The following SH3PXD2A variants were observed in gnomAD, a reference collection of about 807,000 sequenced individuals.
SH3PXD2A encodes the protein SH3 and PX domain-containing protein 2A.
A neutral mutation model predicts 115.2 loss-of-function variants in SH3PXD2A; 32 were observed. That is an observed-to-expected ratio of 0.28 (90% CI 0.21 to 0.37). The LOEUF (loss-of-function observed/expected upper bound fraction) is 0.37, where lower values mean the gene tolerates loss of function less well. Among genes scored for constraint, SH3PXD2A ranks in the 10% least tolerant of loss-of-function variants. The pLI is 1.00. For synonymous variants in SH3PXD2A, 610 were observed against 629.1 expected (o/e 0.97, Z 0.45); for missense variants, 1,328 against 1,498.7 (o/e 0.89, Z 1.88).
At chr10:103,613,420 C>T (rs1257404289) in intron 11 of SH3PXD2A, among the ~76,000 whole-genome samples, 3 of 152,232 alleles carry the variant, frequency 2.0e-5, no homozygotes, top group Admixed American at 2.0e-4. Context: ...TTTGCCTGAT[C>T]CCTCTTGGGG....
intron 8 of SH3PXD2A, among the ~76,000 whole-genome samples, chr10:103,634,810 G>A (rs188191968): frequency 7.9e-4 from 121 of 152,262 alleles, no homozygotes; most frequent in African/African-American, 2.7e-3. Flanking sequence ...CTGCTTCCTA[G>A]CTGTGTGACC....
At chr10:103,660,049 AGAG>A (rs1270047355) in intron 8 of SH3PXD2A, among the ~76,000 whole-genome samples, 1 of 152,080 alleles carries the variant, frequency 6.6e-6, no homozygotes, top group Non-Finnish European at 1.5e-5. Flanking sequence ...TGGGACTAGG[AGAG>A]GAGAACAGGC....
At chr10:103,849,092 C>T (rs1040647979) in intron 1 of SH3PXD2A, among the ~76,000 whole-genome samples, 17 of 151,252 alleles carry the variant, frequency 1.1e-4, no homozygotes, top group Non-Finnish European at 2.4e-4. Context: ...CACACAGGTG[C>T]TCTGGGACAA....
chr10:103,716,302 C>A (rs1234342683), intron 5 of SH3PXD2A, among the ~76,000 whole-genome samples: 8 of 152,136 alleles, frequency 5.3e-5, no homozygotes, highest in Non-Finnish European at 8.8e-5. Flanking sequence ...GTGGACTCTG[C>A]CCCATGGGGA....
intron 3 of SH3PXD2A, among the ~76,000 whole-genome samples, chr10:103,741,878 C>T (rs981949305): frequency 5.9e-5 from 9 of 152,216 alleles, no homozygotes; most frequent in Middle Eastern, 3.2e-3. Context: ...ACCATGGTGG[C>T]TCATGCCTGT....
intron 4 of SH3PXD2A, among the ~76,000 whole-genome samples, chr10:103,733,166 G>T (rs1263180488): frequency 6.6e-6 from 1 of 151,890 alleles, no homozygotes; most frequent in African/African-American, 2.4e-5. Flanking sequence ...GTTTCCATCT[G>T]TGCTAATCAG....
At chr10:103,823,365 A>C (rs2039399782) in intron 1 of SH3PXD2A, among the ~76,000 whole-genome samples, 1 of 152,130 alleles carries the variant, frequency 6.6e-6, no homozygotes, top group Non-Finnish European at 1.5e-5. Flanking sequence ...GCCAGAGTTG[A>C]CCCTTAACAC....
intron 6 of SH3PXD2A, among the ~76,000 whole-genome samples, chr10:103,676,228 G>A (rs74154587): frequency 0.021 from 3,235 of 152,264 alleles, 50 homozygotes; most frequent in African/African-American, 0.046. Flanking sequence ...TTTCGTAAAT[G>A]CAGCAAGAAA....
intron 4 of SH3PXD2A, among the ~76,000 whole-genome samples, chr10:103,732,743 G>A (rs2038336275): frequency 6.6e-6 from 1 of 152,230 alleles, no homozygotes; most frequent in South Asian, 2.1e-4. Context: ...GAAGGAAGAT[G>A]ACCAGCCAAG....
chr10:103,602,790 C>A lies in SH3PXD2A; in HGVS notation c.2428G>T (p.Ala810Ser), dbSNP rs368830374. 3.1e-6 allele frequency: 5 copies of A among 1,614,126 alleles called. No individual in the cohort carries two copies. The highest frequency in any genetic ancestry group is 4.2e-6 in the Non-Finnish European group (5 of 1,180,004). Reference sequence around the variant, plus strand: ...CTTCTCCTAGACCCCTCACTGGGAGCCTCGGAGGCCGTCTGCGGGGGCAGC... The same window carrying A: ...CTTCTCCTAGACCCCTCACTGGGAGACTCGGAGGCCGTCTGCGGGGGCAGC... The part of the protein sequence containing the change: ...SELPPQTASE[A>S]PSEGSRRSSS... The change falls in exon 15 of 15, where the codon GCT becomes TCT. Residue 810 changes from alanine (A) to serine (S), a missense_variant. By Grantham distance (99) the Ala-to-Ser change is moderately conservative. Around this residue, in one of 5 missense-constraint regions of SH3PXD2A, gnomAD observed 574 missense variants for 565.7 expected, o/e 1.01. Coordinates refer to ENST00000369774, the MANE Select transcript of SH3PXD2A (RefSeq NM_001394015.1).
intron 3 of SH3PXD2A, chr10:103,736,753 T>C: frequency 7.8e-7 from 1 of 1,287,308 alleles, no homozygotes; most frequent in Non-Finnish European, 1.0e-6. Context: ...TTGGGGCCCA[T>C]GAGCTTGGCA....
At chr10:103,663,335 T>G (rs1190754233) in intron 7 of SH3PXD2A, among the ~76,000 whole-genome samples, 7 of 152,208 alleles carry the variant, frequency 4.6e-5, no homozygotes, top group African/African-American at 1.7e-4. Context: ...CACAAAAGAC[T>G]AACCAGAGGC....
At chr10:103,714,671 C>A (rs114345423) in intron 5 of SH3PXD2A, among the ~76,000 whole-genome samples, 2 of 152,204 alleles carry the variant, frequency 1.3e-5, no homozygotes, top group Non-Finnish European at 2.9e-5. Flanking sequence ...ATTTATCTAA[C>A]GTTCTGTTCC....
In SH3PXD2A at chr10:103,602,634, GGAAGCTGATC is replaced by G; in HGVS notation, c.2574_2583del (p.Glu858AspfsTer20). On this transcript the variant is annotated frameshift_variant, in exon 15 of 15. Coordinates refer to ENST00000369774, the MANE Select transcript of SH3PXD2A (RefSeq NM_001394015.1). LOFTEE classifies it high-confidence loss of function. Reference sequence around the variant, plus strand: ...AGCACCTGCACCTCCACGCCCGCGGGGAAGCTGATCTCCGAGTCCTGGACCTTCTGGTAGG... The same window carrying G: ...AGCACCTGCACCTCCACGCCCGCGGGTCCGAGTCCTGGACCTTCTGGTAGG... 6.2e-7 allele frequency: 1 copy of G among 1,614,146 alleles called. No homozygotes were observed. Among genetic ancestry groups the G allele is most frequent in the Non-Finnish European group, 8.5e-7 (1 of 1,180,030 alleles).
chr10:103,654,991 C>T (rs115717593), intron 8 of SH3PXD2A, among the ~76,000 whole-genome samples: 3,290 of 152,280 alleles, frequency 0.022, 109 homozygotes, highest in African/African-American at 0.074. Flanking sequence ...AGCATGCCTG[C>T]CTCTGCTCCT....
At chr10:103,732,268 T>C (rs576263167) in intron 4 of SH3PXD2A, among the ~76,000 whole-genome samples, 20 of 152,348 alleles carry the variant, frequency 1.3e-4, no homozygotes, top group South Asian at 6.2e-4. Flanking sequence ...CAAGCCTCTA[T>C]GGTATAGCTT....
At chr10:103,646,173 C>T (rs995936435) in intron 8 of SH3PXD2A, among the ~76,000 whole-genome samples, 4 of 152,074 alleles carry the variant, frequency 2.6e-5, no homozygotes, top group Non-Finnish European at 5.9e-5. Flanking sequence ...GCCCTAAATC[C>T]CCTTGTCCTG....
At chr10:103,737,050 G>A (rs2038388903) in intron 3 of SH3PXD2A, among the ~76,000 whole-genome samples, 1 of 152,218 alleles carries the variant, frequency 6.6e-6, no homozygotes, top group East Asian at 1.9e-4. Flanking sequence ...ACCTCTAGTG[G>A]CCTGGGAAGC....
intron 8 of SH3PXD2A, among the ~76,000 whole-genome samples, chr10:103,645,711 T>C (rs2037025964): frequency 6.6e-6 from 1 of 152,076 alleles, no homozygotes; most frequent in Non-Finnish European, 1.5e-5. Flanking sequence ...CCACAGGTTG[T>C]TTGCAGGCCT....
Sources: allele counts gnomAD v4.1 joint callset (sites outside exome capture counted in the v4.1 genomes callset), GRCh38; gene constraint gnomAD v4.1.1; regional missense constraint gnomAD v4.1.1; transcripts MANE v1.5; gene names NCBI Gene and HGNC (gene_info 2026-07-23, HGNC 2026-07-21).